The following LRP1B variants were observed in gnomAD, a reference collection of about 807,000 sequenced individuals.
LRP1B encodes LDL receptor related protein 1B, also known as low-density lipoprotein receptor-related protein 1B.
In LRP1B, 217 loss-of-function variants were observed where a neutral mutation model predicts 556.6. The observed-to-expected ratio is 0.39, with a 90% CI of 0.35 to 0.44. The LOEUF is 0.44. Among genes scored for constraint, LRP1B ranks in the 20% least tolerant of loss-of-function variants. The pLI, the probability that LRP1B is intolerant of heterozygous loss-of-function variation, is 1.00. For missense variants in LRP1B, 5,053 were observed against 5,620.8 expected (o/e 0.90, Z 3.23); for synonymous variants, 2,047 against 1,865.8 (o/e 1.10, Z -2.50).
intron 83 of LRP1B, among the ~76,000 whole-genome samples, chr2:140,300,653 G>A (rs1033086835): frequency 1.3e-5 from 2 of 152,202 alleles, no homozygotes; most frequent in East Asian, 3.9e-4. Context: ...CAGACACTAA[G>A]AATAAGGTTT....
At chr2:141,516,611 C>T (rs994230002) in intron 2 of LRP1B, among the ~76,000 whole-genome samples, 1 of 151,902 alleles carries the variant, frequency 6.6e-6, no homozygotes, top group Non-Finnish European at 1.5e-5. Context: ...GCCATGATTG[C>T]ACCACTGTAC....
intron 35 of LRP1B, among the ~76,000 whole-genome samples, chr2:140,734,606 C>A (rs1226486480): frequency 1.3e-5 from 2 of 152,090 alleles, no homozygotes; most frequent in Non-Finnish European, 2.9e-5. Context: ...GCCCAATGTC[C>A]CAGAACAGCC....
At chr2:140,886,064 T>C (rs1183695252) in intron 24 of LRP1B, 74 bp downstream of exon 24, 11 of 892,790 alleles carry the variant, frequency 1.2e-5, no homozygotes, top group Non-Finnish European at 1.9e-5. Context: ...AAATTTCTTC[T>C]AGTTATAACG....
intron 1 of LRP1B, among the ~76,000 whole-genome samples, chr2:142,130,100 C>G (rs1171478879): frequency 2.0e-5 from 3 of 152,172 alleles, no homozygotes; most frequent in Non-Finnish European, 2.9e-5. Context: ...CTAAAAGCCT[C>G]TCTGCTGATG....
At chr2:140,292,658 A>G (rs963161391) in intron 84 of LRP1B, among the ~76,000 whole-genome samples, 3 of 152,110 alleles carry the variant, frequency 2.0e-5, no homozygotes, top group Non-Finnish European at 2.9e-5. Flanking sequence ...CATTAAATTG[A>G]CCTATAATAA....
intron 43 of LRP1B, among the ~76,000 whole-genome samples, chr2:140,574,181 G>T (rs2105114792): frequency 6.6e-6 from 1 of 152,148 alleles, no homozygotes; most frequent in South Asian, 2.1e-4. Context: ...GAAATGTTGT[G>T]CTCTGCTGTA....
At chr2:141,334,284 G>A (rs548614146) in intron 3 of LRP1B, among the ~76,000 whole-genome samples, 44 of 152,280 alleles carry the variant, frequency 2.9e-4, no homozygotes, top group Middle Eastern at 3.4e-3. Context: ...CCATCCCACC[G>A]GGTGCTTTTC....
intron 1 of LRP1B, among the ~76,000 whole-genome samples, chr2:142,034,030 T>G (rs558321655): frequency 2.0e-5 from 3 of 151,856 alleles, no homozygotes; most frequent in African/African-American, 7.2e-5. Flanking sequence ...GCCAGAAACT[T>G]GGAGTCATCT....
chr2:141,018,050 A>T (rs1697958435), intron 12 of LRP1B, among the ~76,000 whole-genome samples: 1 of 151,990 alleles, frequency 6.6e-6, no homozygotes, highest in South Asian at 2.1e-4. Context: ...CCAGTACCAA[A>T]CAATGAGAAT....
chr2:140,776,118 T>G lies in LRP1B; in HGVS notation c.5480A>C (p.Tyr1827Ser), dbSNP rs541399000. ...TTTACCTTGCTGTGCTTCTTTATCA[T>G]AGACTTTCATATGAACTACCCCAGA... The part of the protein sequence containing the change: ...KTSGVVHMKV[Y>S]DKEAQQGSNS... The change falls in exon 33 of 91, where the codon TAT (tyrosine) becomes TCT (serine). Residue 1827 changes from tyrosine to serine, a missense_variant. Physicochemically the swap from Tyr to Ser is moderately radical, Grantham distance 144. Around this residue, in one of 5 missense-constraint regions of LRP1B, gnomAD observed 3,619 missense variants for 3,931.9 expected, o/e 0.92. Transcript: ENST00000389484. The G allele has an allele frequency of 6.4e-7, 1 of 1,566,202 alleles. No homozygotes were observed. The highest frequency in any genetic ancestry group is 2.4e-5 in the East Asian group (1 of 40,988).
At position 141,298,966 on chromosome 2, in the gene LRP1B, A is replaced by C. The variant is rs576661175; in HGVS notation, c.344-44325T>G. Among the ~76,000 whole-genome samples the C allele has an allele frequency of 1.3e-4, 19 of 151,624 alleles. No homozygotes were observed. In the East Asian group the frequency reaches 3.5e-3, roughly 28 times the overall value. ...CAAAACTCCATCTTAAAAAAAAAAA[A>C]AAAAAACCCACAAAAACAAAACAAG... On this transcript the variant is annotated intron_variant, in intron 3 of 90. Coordinates refer to ENST00000389484, the MANE Select transcript of LRP1B (RefSeq NM_018557.3).
chr2:142,089,888 T>A lies in LRP1B; in HGVS notation c.82+40760A>T, dbSNP rs2104947410. 2.0e-5 allele frequency among the ~76,000 whole-genome samples: 3 copies of A among 152,336 alleles called. 1 individual carries two copies. Reference sequence around the variant, plus strand: ...TGAGAAGAGGGCTTTCTTGTATTACTTGGCTTTTGATATTATCCAGTTTTG... The same window carrying A: ...TGAGAAGAGGGCTTTCTTGTATTACATGGCTTTTGATATTATCCAGTTTTG... On this transcript the variant is annotated intron_variant, in intron 1 of 90. Transcript: ENST00000389484.
intron 1 of LRP1B, among the ~76,000 whole-genome samples, chr2:142,102,783 A>G (rs1268228480): frequency 6.6e-6 from 1 of 151,812 alleles, no homozygotes; most frequent in Admixed American, 6.6e-5. Flanking sequence ...GCAAAAACTC[A>G]TAACCATAAC....
rs190958543 is a variant in LRP1B, at chr2:141,502,635, C to T, written c.206-22102G>A. Among the ~76,000 whole-genome samples, 50 of 151,860 alleles carry T rather than the reference C, an allele frequency of 3.3e-4. 1 individual carries two copies. The East Asian group carries it at 8.9e-3, about 27-fold the overall frequency. ...CAGCACTTTGGGAGGCTGAGGTGGGCGGATCACGAGGTGAAGAGATCGAGA... is the reference window on the plus strand; with the variant it reads ...CAGCACTTTGGGAGGCTGAGGTGGGTGGATCACGAGGTGAAGAGATCGAGA... On this transcript the variant is annotated intron_variant, in intron 2 of 90. Transcript: ENST00000389484.
At chr2:140,457,697 C>T (rs747614308) in intron 60 of LRP1B, 46 bp from the exon 61 acceptor site, 3 of 1,462,480 alleles carry the variant, frequency 2.1e-6, no homozygotes, top group African/African-American at 1.4e-5. Flanking sequence ...TGGAAGACTG[C>T]CAGTTAAAAT....
At chr2:142,009,073 C>A (rs937581792) in intron 1 of LRP1B, among the ~76,000 whole-genome samples, 1 of 152,034 alleles carries the variant, frequency 6.6e-6, no homozygotes, top group Non-Finnish European at 1.5e-5. Context: ...TTCTTGAACT[C>A]CAAAAAGCAC....
At chr2:141,867,120 A>G (rs1302912189) in intron 1 of LRP1B, among the ~76,000 whole-genome samples, 1 of 152,186 alleles carries the variant, frequency 6.6e-6, no homozygotes, top group East Asian at 1.9e-4. Context: ...GAAATAATAA[A>G]GAATGTTTCA....
intron 56 of LRP1B, among the ~76,000 whole-genome samples, chr2:140,493,213 A>G (rs891373749): frequency 6.6e-5 from 10 of 152,040 alleles, no homozygotes; most frequent in Non-Finnish European, 1.2e-4. Flanking sequence ...AGGTTCTAAA[A>G]TCTTTGTTTG....
At chr2:141,805,757 G>GA (rs1199350898) in intron 2 of LRP1B, 1 of 152,104 alleles carries the variant, frequency 6.6e-6, no homozygotes, top group East Asian at 1.9e-4. Flanking sequence ...AAAACAAACT[G>GA]AAAAACAAAT....
Sources: allele counts gnomAD v4.1 joint callset (sites outside exome capture counted in the v4.1 genomes callset), GRCh38; gene constraint gnomAD v4.1.1; regional missense constraint gnomAD v4.1.1; transcripts MANE v1.5; gene names NCBI Gene and HGNC (gene_info 2026-07-23, HGNC 2026-07-21).